CACNA1C: variants seen among roughly 807,000 people sequenced by gnomAD.
CACNA1C encodes voltage-dependent L-type calcium channel subunit alpha-1C.
CACNA1C carries 30 observed loss-of-function variants against 229.0 expected under a neutral mutation model. That is an observed-to-expected ratio of 0.13 (90% CI 0.10 to 0.18). CACNA1C has a LOEUF of 0.18. Ranked by LOEUF, CACNA1C falls within the 10% of genes least tolerant of loss-of-function variation. The probability of loss-of-function intolerance (pLI) is 1.00; values close to 1 mark genes in which losing one functional copy is unlikely to be tolerated. For missense variants in CACNA1C, 1,658 were observed against 2,845.0 expected (o/e 0.58, Z 9.49); for synonymous variants, 1,114 against 1,132.5 (o/e 0.98, Z 0.33).
At chr12:2,671,700 A>G (rs2096578154) in intron 38 of CACNA1C, among the ~76,000 whole-genome samples, 1 of 152,282 alleles carries the variant, frequency 6.6e-6, no homozygotes, top group Non-Finnish European at 1.5e-5. Flanking sequence ...AACAATGCGA[A>G]AGACTGACCA....
intron 44 of CACNA1C, 127 bp from the exon 45 acceptor site, chr12:2,686,039 G>C: frequency 2.2e-6 from 2 of 891,744 alleles, no homozygotes; most frequent in African/African-American, 3.3e-5. Context: ...TCTCAGACGA[G>C]GGGAGGGGAA....
At chr12:2,291,740 G>C (rs771248945) in intron 3 of CACNA1C, among the ~76,000 whole-genome samples, 4 of 152,116 alleles carry the variant, frequency 2.6e-5, no homozygotes, top group Non-Finnish European at 5.9e-5. Context: ...TCCCTCCCAC[G>C]AAGCAAGAAA....
At position 2,285,566 on chromosome 12, in the gene CACNA1C, C is replaced by G. The variant is rs143998251; in HGVS notation, c.478-163410C>G. 3.7e-4 allele frequency among the ~76,000 whole-genome samples: 56 copies of G among 152,266 alleles called. 1 individual carries two copies. The East Asian group carries it at 5.4e-3, about 15-fold the overall frequency. On this transcript the variant is annotated intron_variant, in intron 3 of 46. Transcript: ENST00000399655. This position sits in a 1 kb window ranked among gnomAD's most constrained non-coding sequence, Gnocchi z 4.2. ...ACTCTCCTTAAACACCTCCTCATCC[C>G]AGACGGGTTGACTTTCAATGAGAGG...
At chr12:2,682,860 A>ACAC (rs1250975133) in intron 43 of CACNA1C, among the ~76,000 whole-genome samples, 182 bp downstream of exon 43, 3 of 28,174 alleles carry the variant, frequency 1.1e-4, no homozygotes, top group African/African-American at 2.1e-4. Flanking sequence ...AACACACAAC[A>ACAC]CACACAAACA....
At position 2,425,776 on chromosome 12, in the gene CACNA1C, G is replaced by A. The variant is rs561130039; in HGVS notation, c.478-23200G>A. Among the ~76,000 whole-genome samples the A allele has an allele frequency of 4.9e-4, 75 of 152,242 alleles. 1 individual carries two copies. The South Asian group carries it at 0.015, about 30-fold the overall frequency. ...AGTTCACTTTAAAGACTTTACTGAA[G>A]GTGGAAAAGCATGGGAAGCCTGGAT... On this transcript the variant is annotated intron_variant, in intron 3 of 46. Coordinates refer to ENST00000399655, the MANE Select transcript of CACNA1C (RefSeq NM_000719.7).
intron 13 of CACNA1C, among the ~76,000 whole-genome samples, chr12:2,569,317 TAATTC>T (rs146157739): frequency 0.066 from 10,114 of 152,122 alleles, 661 homozygotes; most frequent in African/African-American, 0.15. Context: ...TACTGAAATA[TAATTC>T]ATATCCCATA....
chr12:2,209,042 T>C (rs939968116), intron 3 of CACNA1C, among the ~76,000 whole-genome samples: 1 of 152,060 alleles, frequency 6.6e-6, no homozygotes, highest in Non-Finnish European at 1.5e-5. Flanking sequence ...CCGCGCCAGC[T>C]CTCCCGGCCA....
chr12:2,442,492 C>A (rs900325212), intron 3 of CACNA1C, among the ~76,000 whole-genome samples: 4 of 152,202 alleles, frequency 2.6e-5, no homozygotes, highest in Non-Finnish European at 5.9e-5. Flanking sequence ...CAGGAGCTAT[C>A]TGTGGGCAAG....
At position 1,995,633 on chromosome 12, in the gene CACNA1C, A is replaced by G. The variant is rs368429534; in HGVS notation, c.139+24432A>G. On this transcript the variant is annotated intron_variant, in intron 1 of 46. Coordinates refer to the CACNA1C transcript ENST00000682462. ...AACAGACCTTCCTCCCCTGCAGCTGAGCTCCCTCCTGCCCAGCATACACAG... is the reference window on the plus strand; with the variant it reads ...AACAGACCTTCCTCCCCTGCAGCTGGGCTCCCTCCTGCCCAGCATACACAG... 9.2e-4 allele frequency among the ~76,000 whole-genome samples: 140 copies of G among 152,068 alleles called. 1 individual carries two copies. The highest frequency in any genetic ancestry group is 3.3e-3 in the African/African-American group (135 of 41,444).
chr12:1,978,380 G>C (rs1225437359), intron 1 of CACNA1C, among the ~76,000 whole-genome samples: 1 of 152,180 alleles, frequency 6.6e-6, no homozygotes, highest in Non-Finnish European at 1.5e-5. Context: ...AAGAGTTAGT[G>C]TAATATTCTA....
At chr12:2,360,069 G>C (rs984426590) in intron 3 of CACNA1C, among the ~76,000 whole-genome samples, 2 of 151,658 alleles carry the variant, frequency 1.3e-5, no homozygotes, top group Non-Finnish European at 2.9e-5. Flanking sequence ...ATACAATTTC[G>C]TGGGCCCTAT....
intron 11 of CACNA1C, among the ~76,000 whole-genome samples, chr12:2,560,626 C>T (rs1053764597): frequency 1.3e-5 from 2 of 152,072 alleles, no homozygotes; most frequent in Non-Finnish European, 2.9e-5. Flanking sequence ...CTCAACTTTA[C>T]GGAGTTCTGA....
At chr12:2,183,659 A>C (rs1333760255) in intron 3 of CACNA1C, among the ~76,000 whole-genome samples, 2 of 152,166 alleles carry the variant, frequency 1.3e-5, no homozygotes, top group East Asian at 3.8e-4. Flanking sequence ...GCGGGCACAG[A>C]GAGTGGGGCT....
At chr12:2,496,213 C>A (rs2099746498) in intron 7 of CACNA1C, among the ~76,000 whole-genome samples, 1 of 152,198 alleles carries the variant, frequency 6.6e-6, no homozygotes, top group Admixed American at 6.5e-5. Context: ...CGCTGGAAAT[C>A]TAACCTGTTG....
At chr12:2,234,878 C>A (rs1407498966) in intron 3 of CACNA1C, among the ~76,000 whole-genome samples, 1 of 152,074 alleles carries the variant, frequency 6.6e-6, no homozygotes. Flanking sequence ...TCAGACAAAA[C>A]AATAGAAGTG....
At chr12:2,363,245 C>T (rs2097613785) in intron 3 of CACNA1C, among the ~76,000 whole-genome samples, 1 of 152,218 alleles carries the variant, frequency 6.6e-6, no homozygotes, top group African/African-American at 2.4e-5. Flanking sequence ...TGGATGGCTT[C>T]CTGATCAGGG....
At chr12:2,648,552 C>T (rs1202997991) in intron 31 of CACNA1C, 45 bp downstream of exon 31, 1 of 1,582,610 alleles carries the variant, frequency 6.3e-7, no homozygotes, top group Admixed American at 1.7e-5. Flanking sequence ...CCGTGTCCCC[C>T]TCTAACACCC....
At chr12:2,421,249 T>G (rs1448707978) in intron 3 of CACNA1C, among the ~76,000 whole-genome samples, 5 of 152,222 alleles carry the variant, frequency 3.3e-5, no homozygotes, top group Non-Finnish European at 5.9e-5. Context: ...GCTAGGATAA[T>G]CTGCCCAATT....
intron 29 of CACNA1C, among the ~76,000 whole-genome samples, chr12:2,631,837 C>T (rs1348656336): frequency 6.6e-6 from 1 of 152,182 alleles, no homozygotes; most frequent in African/African-American, 2.4e-5. Flanking sequence ...GGCCCCTTTC[C>T]CTGTGACCTG....
Sources: allele counts gnomAD v4.1 joint callset (sites outside exome capture counted in the v4.1 genomes callset), GRCh38; gene constraint gnomAD v4.1.1; non-coding constraint Gnocchi (gnomAD v3.1); transcripts MANE v1.5; gene names NCBI Gene and HGNC (gene_info 2026-07-23, HGNC 2026-07-21).